MYT1L: variants seen among roughly 807,000 people sequenced by gnomAD.
MYT1L encodes the protein myelin transcription factor 1 like.
Under a neutral mutation model 126.7 loss-of-function variants are expected in MYT1L, and 12 were observed. The observed-to-expected ratio is 0.09, with a 90% CI of 0.06 to 0.15. MYT1L has a LOEUF of 0.15. Among genes scored for constraint, MYT1L ranks in the 10% least tolerant of loss-of-function variants. The pLI is 1.00. For synonymous variants in MYT1L, 541 were observed against 604.2 expected, an observed-to-expected ratio of 0.90 and a Z score of 1.53; for missense variants, 979 against 1,585.2, an observed-to-expected ratio of 0.62 and a Z score of 6.49.
intron 2 of MYT1L, among the ~76,000 whole-genome samples, chr2:2,212,847 A>G (rs2093568865): frequency 1.3e-5 from 2 of 152,264 alleles, no homozygotes; most frequent in South Asian, 4.1e-4. Context: ...CACCTAGCTC[A>G]ATTCTCAACC....
chr2:2,111,103 A>G (rs563942004), intron 3 of MYT1L, among the ~76,000 whole-genome samples: 1 of 152,288 alleles, frequency 6.6e-6, no homozygotes, highest in African/African-American at 2.4e-5. Flanking sequence ...CCATGTTCTT[A>G]GAGGCTGGAA....
intron 2 of MYT1L, among the ~76,000 whole-genome samples, chr2:2,231,610 G>A (rs2094163910): frequency 6.6e-6 from 1 of 151,758 alleles, no homozygotes; most frequent in Non-Finnish European, 1.5e-5. Flanking sequence ...ACCATGCCCA[G>A]ATAATTTTTG....
At chr2:2,150,328 T>C in intron 3 of MYT1L, among the ~76,000 whole-genome samples, 1 of 152,208 alleles carries the variant, frequency 6.6e-6, no homozygotes, top group East Asian at 1.9e-4. Context: ...GGGCAATATA[T>C]GTTTCATCTT....
intron 2 of MYT1L, among the ~76,000 whole-genome samples, chr2:2,273,761 G>A (rs547442533): frequency 1.3e-5 from 2 of 152,292 alleles, no homozygotes; most frequent in South Asian, 4.1e-4. Flanking sequence ...GGGAATTTGG[G>A]TTATAAGAAG....
At chr2:1,858,416 C>T (rs2044178159) in intron 18 of MYT1L, among the ~76,000 whole-genome samples, 1 of 152,032 alleles carries the variant, frequency 6.6e-6, no homozygotes, top group Non-Finnish European at 1.5e-5. Flanking sequence ...CAAAAATATT[C>T]AGAGAAAAAT....
At chr2:2,129,466 A>C (rs1014455029) in intron 3 of MYT1L, among the ~76,000 whole-genome samples, 4 of 152,188 alleles carry the variant, frequency 2.6e-5, no homozygotes, top group Non-Finnish European at 4.4e-5. Context: ...AATGGCAGAA[A>C]GTGTGTGATA....
chr2:1,850,049 C>A (rs1328540746), intron 19 of MYT1L, among the ~76,000 whole-genome samples: 1 of 151,560 alleles, frequency 6.6e-6, no homozygotes, highest in African/African-American at 2.4e-5. Flanking sequence ...GGGCCATTAT[C>A]CACTGCTGAC....
At chr2:1,846,794 C>T (rs139203930) in intron 19 of MYT1L, among the ~76,000 whole-genome samples, 57 of 152,290 alleles carry the variant, frequency 3.7e-4, no homozygotes, top group African/African-American at 1.3e-3. Flanking sequence ...AGCTTTGCAC[C>T]CTGTGTGAGG....
At chr2:2,166,250 G>C (rs921616934) in intron 3 of MYT1L, among the ~76,000 whole-genome samples, 1 of 151,958 alleles carries the variant, frequency 6.6e-6, no homozygotes, top group Non-Finnish European at 1.5e-5. Flanking sequence ...TTGTCTACAG[G>C]TCACTCAGAT....
intron 4 of MYT1L, among the ~76,000 whole-genome samples, chr2:2,014,901 G>A (rs1041354672): frequency 3.9e-5 from 6 of 152,332 alleles, no homozygotes; most frequent in Middle Eastern, 3.4e-3. Flanking sequence ...AAAGGCTTTG[G>A]TGAGTCAGGA....
At chr2:2,085,472 T>C (rs1340652719) in intron 3 of MYT1L, among the ~76,000 whole-genome samples, 2 of 152,204 alleles carry the variant, frequency 1.3e-5, no homozygotes, top group African/African-American at 2.4e-5. Context: ...AAGTCTATGC[T>C]GCTCCCTTTC....
rs1045990275 is a variant in MYT1L at position 1,910,408 on chromosome 2, C to G, written c.1710-61G>C. ...TCAAACACCTTCACAGCACACTAAT[C>G]CTCCCTTAGCACCAAGACCCTGATG... is the stretch of plus-strand genomic sequence containing the variant. On this transcript the variant is annotated intron_variant, in intron 12 of 24. Coordinates refer to ENST00000647738, the MANE Select transcript of MYT1L (RefSeq NM_001303052.2). This position sits in a 1 kb window ranked among gnomAD's most constrained non-coding sequence, Gnocchi z 4.8. 30 of 1,450,656 alleles carry G rather than the reference C, an allele frequency of 2.1e-5. No individual in the cohort carries two copies. The African/African-American group carries it at 3.6e-4, about 17-fold the overall frequency. The allele number at this position is 1,450,656 out of a possible 1,614,324, so 89.9% of individuals were successfully genotyped here. A position where few individuals can be genotyped will look rare whatever the true frequency, so the allele number is the denominator to read the frequency against.
At chr2:2,260,941 G>A (rs1166754551) in intron 2 of MYT1L, among the ~76,000 whole-genome samples, 2 of 152,094 alleles carry the variant, frequency 1.3e-5, no homozygotes, top group Admixed American at 1.3e-4. Flanking sequence ...AATTCTGCCA[G>A]ATTCTGAAAC....
intron 3 of MYT1L, among the ~76,000 whole-genome samples, chr2:2,087,762 A>T (rs967733369): frequency 6.6e-6 from 1 of 152,228 alleles, no homozygotes; most frequent in East Asian, 1.9e-4. Context: ...GGGAAGAGCT[A>T]CTACAAATAG....
At chr2:2,016,624 GA>G (rs910589549) in intron 4 of MYT1L, among the ~76,000 whole-genome samples, 4 of 152,268 alleles carry the variant, frequency 2.6e-5, no homozygotes, top group African/African-American at 9.6e-5. Flanking sequence ...GGGAACTGGG[GA>G]AACATATGTG....
Position 1,887,042 on chromosome 2 carries a change from G to A in MYT1L, c.2643-435C>T, listed in dbSNP as rs1036755408. ...ATTGAAAAGACAGAATCCACCATGA[G>A]AAAAATGAAGTCACACCTTCTGTGT... On this transcript the variant is annotated intron_variant, in intron 17 of 24. Coordinates refer to ENST00000647738, the MANE Select transcript of MYT1L (RefSeq NM_001303052.2). The surrounding 1 kb of genome is among the most constrained non-coding windows in gnomAD (Gnocchi z 4.8). 6.7e-5 allele frequency: 27 copies of A among 405,076 alleles called. No homozygotes were observed. The highest frequency in any genetic ancestry group is 3.9e-5 in the Non-Finnish European group (9 of 230,516). 25.1% of individuals were successfully genotyped at this position (405,076 alleles called of 1,614,324 possible). A position where few individuals can be genotyped will look rare whatever the true frequency, so the allele number is the denominator to read the frequency against.
chr2:2,232,280 C>T (rs2094179218), intron 2 of MYT1L, among the ~76,000 whole-genome samples: 1 of 152,328 alleles, frequency 6.6e-6, no homozygotes, highest in African/African-American at 2.4e-5. Flanking sequence ...CAACAAGCAG[C>T]TCTGCCCTCC....
chr2:1,865,777 A>G (rs561420903), intron 18 of MYT1L, among the ~76,000 whole-genome samples: 10 of 152,118 alleles, frequency 6.6e-5, no homozygotes, highest in South Asian at 2.1e-4. Flanking sequence ...CTCAGTACAC[A>G]AGGCGCGTGG....
chr2:2,090,334 A>G (rs1252636100), intron 3 of MYT1L, among the ~76,000 whole-genome samples: 3 of 152,238 alleles, frequency 2.0e-5, no homozygotes, highest in East Asian at 1.9e-4. Flanking sequence ...AGGAAGCTAC[A>G]CAATTTTTTC....
Sources: allele counts gnomAD v4.1 joint callset (sites outside exome capture counted in the v4.1 genomes callset), GRCh38; gene constraint gnomAD v4.1.1; non-coding constraint Gnocchi (gnomAD v3.1); transcripts MANE v1.5; gene names NCBI Gene and HGNC (gene_info 2026-07-23, HGNC 2026-07-21).